ETV1: variants seen among roughly 807,000 people sequenced by gnomAD.
ETV1 encodes the protein ETS translocation variant 1.
In ETV1, 27 loss-of-function variants were observed where a neutral mutation model predicts 62.3. The ratio of observed to expected loss-of-function variants is 0.43; its 90% CI spans 0.32 to 0.60. The LOEUF (loss-of-function observed/expected upper bound fraction) is 0.60. Ranked by LOEUF, ETV1 falls within the 20% of genes least tolerant of loss-of-function variation. The pLI is 0.06. For missense variants in ETV1, 605 were observed against 605.8 expected, an observed-to-expected ratio of 1.00 and a Z score of 0.01; for synonymous variants, 222 against 199.6, an observed-to-expected ratio of 1.11 and a Z score of -0.94.
At chr7:13,990,249 T>A (rs776417533), upstream of ETV1, among the ~76,000 whole-genome samples, 7 of 152,168 alleles carry the variant, frequency 4.6e-5, no homozygotes, top group Non-Finnish European at 1.0e-4. Context: ...TTTTAAACAG[T>A]CATCCTCAAC....
intron 7 of ETV1, among the ~76,000 whole-genome samples, chr7:13,938,087 A>G (rs1787020896): frequency 6.6e-6 from 1 of 152,154 alleles, no homozygotes; most frequent in South Asian, 2.1e-4. Flanking sequence ...CTGGGATTAC[A>G]GGCATGCGCC....
chr7:13,896,941 G>T (rs941888211), intron 13 of ETV1, among the ~76,000 whole-genome samples: 1 of 152,078 alleles, frequency 6.6e-6, no homozygotes, highest in Non-Finnish European at 1.5e-5. Context: ...AAAGTGAAAG[G>T]AATTTAAAAT....
chr7:13,931,607 C>G lies in ETV1; in HGVS notation c.697G>C (p.Asp233His). Residue 233 changes from aspartate (D) to histidine (H), a missense_variant, in exon 9 of 14, where the codon GAC (aspartate) becomes CAC (histidine). Coordinates refer to ENST00000430479, the MANE Select transcript of ETV1 (RefSeq NM_004956.5). Reference sequence around the variant, plus strand: ...ATGGTGTTGTGTTCATACACTGGGTCGTGGTACTCCTGCTTAAAGCCTTGT... The same window carrying G: ...ATGGTGTTGTGTTCATACACTGGGTGGTGGTACTCCTGCTTAAAGCCTTGT... ...PPQGFKQEYHDPVYEHNTMVG... is the reference protein window; with the variant it reads ...PPQGFKQEYHHPVYEHNTMVG... 6.2e-7 allele frequency: 1 copy of G among 1,614,014 alleles called. No homozygotes were observed.
At chr7:13,983,741 T>C (rs910330850) in intron 5 of ETV1, among the ~76,000 whole-genome samples, 4 of 151,748 alleles carry the variant, frequency 2.6e-5, no homozygotes, top group African/African-American at 9.7e-5. Flanking sequence ...AATTGCAGTG[T>C]TATTTCTTGG....
At chr7:13,904,959 A>G (rs903142643) in intron 12 of ETV1, among the ~76,000 whole-genome samples, 2 of 147,994 alleles carry the variant, frequency 1.4e-5, no homozygotes, top group Non-Finnish European at 3.0e-5. Context: ...ACGTCATCCT[A>G]GATAATGAGA....
chr7:13,922,369 A>C (rs2128438011), intron 9 of ETV1, among the ~76,000 whole-genome samples: 1 of 152,274 alleles, frequency 6.6e-6, no homozygotes, highest in Non-Finnish European at 1.5e-5. Context: ...TAGCTGCCTA[A>C]TTAGAATCCC....
intron 6 of ETV1, among the ~76,000 whole-genome samples, chr7:13,976,002 A>G (rs1781418135): frequency 6.6e-6 from 1 of 152,228 alleles, no homozygotes; most frequent in South Asian, 2.1e-4. Flanking sequence ...TTCTCTTCCC[A>G]TACTTTAATC....
chr7:13,943,207 G>A (rs1311017897), intron 6 of ETV1, among the ~76,000 whole-genome samples: 1 of 152,102 alleles, frequency 6.6e-6, no homozygotes, highest in Non-Finnish European at 1.5e-5. Flanking sequence ...TATCCAGATG[G>A]CAAAACAAAT....
At chr7:13,960,614 G>A (rs115381609) in intron 6 of ETV1, among the ~76,000 whole-genome samples, 7,914 of 151,936 alleles carry the variant, frequency 0.052, 646 homozygotes, top group African/African-American at 0.18. Flanking sequence ...TATAAAATTT[G>A]TAAATCTATA....
rs941260169 is a variant in ETV1, at chr7:13,968,305, A to G, written c.235+9122T>C. On this transcript the variant is annotated intron_variant, in intron 6 of 13. Transcript: ENST00000430479. ...AAGCTAAAGACTTGGGTTAATATAT[A>G]TATTTTTAGCTTTCATCTTTGGAAG... 1.3e-5 allele frequency among the ~76,000 whole-genome samples: 2 copies of G among 151,956 alleles called. 1 individual carries two copies. Among genetic ancestry groups the G allele is most frequent in the Admixed American group, 1.3e-4 (2 of 15,264 alleles).
At chr7:13,928,054 C>G (rs1785635155) in intron 9 of ETV1, among the ~76,000 whole-genome samples, 2 of 152,126 alleles carry the variant, frequency 1.3e-5, no homozygotes, top group Admixed American at 6.5e-5. Context: ...ACAAACGATG[C>G]TGGACTATGT....
At chr7:13,982,746 A>C (rs1782123512) in intron 5 of ETV1, among the ~76,000 whole-genome samples, 1 of 152,040 alleles carries the variant, frequency 6.6e-6, no homozygotes, top group African/African-American at 2.4e-5. Flanking sequence ...TGTCGTTTTT[A>C]AAGCCTTTAA....
chr7:13,935,379 T>C (rs552477213), intron 8 of ETV1, among the ~76,000 whole-genome samples: 1 of 152,320 alleles, frequency 6.6e-6, no homozygotes, highest in South Asian at 2.1e-4. Flanking sequence ...TACACACATA[T>C]GCTCATAAAA....
chr7:13,920,324 T>C (rs1386315848), intron 9 of ETV1, among the ~76,000 whole-genome samples: 2 of 152,162 alleles, frequency 1.3e-5, no homozygotes, highest in African/African-American at 4.8e-5. Flanking sequence ...TCAGGTTACT[T>C]GCAAGCAGGA....
intron 6 of ETV1, among the ~76,000 whole-genome samples, chr7:13,943,722 C>T (rs966883324): frequency 6.6e-6 from 1 of 151,946 alleles, no homozygotes; most frequent in Non-Finnish European, 1.5e-5. Flanking sequence ...GATGATCTCA[C>T]AGGTACAAAG....
At chr7:13,952,587 T>C (rs936199876) in intron 6 of ETV1, among the ~76,000 whole-genome samples, 3 of 152,056 alleles carry the variant, frequency 2.0e-5, no homozygotes, top group Admixed American at 6.6e-5. Flanking sequence ...TAGAAAGAGG[T>C]ACATGTAATA....
At chr7:13,959,882 CAAAAAAAAAAAAAAAA>C (rs35605197) in intron 6 of ETV1, among the ~76,000 whole-genome samples, 2 of 56,708 alleles carry the variant, frequency 3.5e-5, no homozygotes, top group Admixed American at 2.7e-4. Context: ...GATTCTGTCT[CAAAAAAAAAAAAAAAA>C]AAAAAAAAAA....
chr7:13,896,206 A>G (rs1781757337), intron 13 of ETV1, 119 bp from the exon 14 acceptor site: 1 of 697,298 alleles, frequency 1.4e-6, no homozygotes, highest in Non-Finnish European at 2.4e-6. Flanking sequence ...CTCTGGCCCA[A>G]AAAAGCAAAC....
intron 6 of ETV1, among the ~76,000 whole-genome samples, chr7:13,959,863 A>G (rs1249147520): frequency 8.9e-5 from 13 of 145,604 alleles, no homozygotes; most frequent in Non-Finnish European, 1.8e-4. Flanking sequence ...AGCCTGGGCA[A>G]CAGAGTGAGA....
Sources: gnomAD v4.1 joint callset for allele counts (sites outside exome capture counted in the v4.1 genomes callset) on GRCh38, gnomAD v4.1.1 for gene constraint, MANE v1.5 for transcripts, NCBI Gene and HGNC (gene_info 2026-07-23, HGNC 2026-07-21) for gene names.